Variants in KIAA1217 observed in about 807,000 individuals in gnomAD.
The protein encoded by KIAA1217 is sickle tail protein homolog.
Under a neutral mutation model 163.9 loss-of-function variants are expected in KIAA1217, and 88 were observed. The observed-to-expected ratio is 0.54, with a 90% CI of 0.45 to 0.64. The LOEUF (loss-of-function observed/expected upper bound fraction) is 0.64, where lower values mean the gene tolerates loss of function less well. KIAA1217 is among the 30% of genes least tolerant of loss of function. The pLI is 0.00. For synonymous variants in KIAA1217, 903 were observed against 923.1 expected, an observed-to-expected ratio of 0.98 and a Z score of 0.39; for missense variants, 2,372 against 2,475.0, an observed-to-expected ratio of 0.96 and a Z score of 0.88.
intron 2 of KIAA1217, among the ~76,000 whole-genome samples, chr10:24,116,899 ATAGT>A (rs567367335): frequency 3.1e-4 from 47 of 152,348 alleles, no homozygotes; most frequent in African/African-American, 5.5e-4. Context: ...AATATGAAAG[ATAGT>A]TAGGGAGTTA....
At chr10:23,835,294 T>G (rs1270366399) in intron 1 of KIAA1217, among the ~76,000 whole-genome samples, 1 of 151,966 alleles carries the variant, frequency 6.6e-6, no homozygotes, top group Non-Finnish European at 1.5e-5. Flanking sequence ...CAGATGCTAA[T>G]AGTAGAAAAA....
At chr10:23,707,481 A>C (rs1254316494) in intron 1 of KIAA1217, among the ~76,000 whole-genome samples, 1 of 152,238 alleles carries the variant, frequency 6.6e-6, no homozygotes, top group Non-Finnish European at 1.5e-5. Context: ...TGCCTAAATG[A>C]AATAACCCAG....
rs115584028 is a variant in KIAA1217 at position 23,890,757 on chromosome 10, G to T, written c.-320-116468G>T. 1.4e-3 allele frequency among the ~76,000 whole-genome samples: 208 copies of T among 152,064 alleles called. 1 individual carries two copies. Among genetic ancestry groups the T allele is most frequent in the African/African-American group, 4.9e-3 (205 of 41,544 alleles). On this transcript the variant is annotated intron_variant, in intron 1 of 18. Transcript: ENST00000376462. ...AAAGTATTCTGTAAATGTCAATTAGGTTAAGTTGGTGAATAGTCTTTTTCA... is the reference window on the plus strand; with the variant it reads ...AAAGTATTCTGTAAATGTCAATTAGTTTAAGTTGGTGAATAGTCTTTTTCA...
At chr10:24,528,962 T>G in intron 14 of KIAA1217, among the ~76,000 whole-genome samples, 1 of 152,164 alleles carries the variant, frequency 6.6e-6, no homozygotes, top group South Asian at 2.1e-4. Context: ...TCTAAGAATC[T>G]CAACCTATTA....
exon 2 of KIAA1217, chr10:24,007,356 C>T (rs1284000031): frequency 6.6e-6 from 1 of 152,158 alleles, no homozygotes; most frequent in African/African-American, 2.4e-5. Flanking sequence ...CTTCCTCCTC[C>T]TGCTTATTTT....
At position 24,531,963 on chromosome 10, in the gene KIAA1217, CA is replaced by C; in HGVS notation, c.3217del (p.Thr1073ProfsTer61). 1 of 1,589,846 alleles carries C rather than the reference CA, an allele frequency of 6.3e-7. No homozygotes were observed. Among genetic ancestry groups the C allele is most frequent in the Non-Finnish European group, 8.6e-7 (1 of 1,165,014 alleles). On this transcript the variant is annotated frameshift_variant, in exon 15 of 21. Transcript: ENST00000376454. LOFTEE classifies it high-confidence loss of function. ...CCACGAGGTCAGGCGATGTGGTCTA[CA>C]CCGGCAGAAAGGAGAACATCACCGC... is the stretch of plus-strand genomic sequence containing the variant. ...TTTRSGDVVY[T>X]GRKENITAKA... is the part of the protein sequence containing the mutation.
At chr10:23,853,950 C>T (rs1172981658) in intron 1 of KIAA1217, among the ~76,000 whole-genome samples, 1 of 151,980 alleles carries the variant, frequency 6.6e-6, no homozygotes, top group Non-Finnish European at 1.5e-5. Context: ...TTTTGTTGAT[C>T]CTTTCAAAAA....
chr10:23,790,707 ATATATATG>A (rs991559453), intron 1 of KIAA1217, among the ~76,000 whole-genome samples: 1 of 87,240 alleles, frequency 1.1e-5, no homozygotes, highest in African/African-American at 5.8e-5. Context: ...ACACACACAT[ATATATATG>A]TATGTATGTA....
At chr10:23,832,442 C>T (rs918207214) in intron 1 of KIAA1217, among the ~76,000 whole-genome samples, 3 of 152,094 alleles carry the variant, frequency 2.0e-5, no homozygotes, top group Non-Finnish European at 4.4e-5. Flanking sequence ...TTTATGGAGA[C>T]TTCATTGCAT....
chr10:23,817,862 G>T (rs1261058095), intron 1 of KIAA1217, among the ~76,000 whole-genome samples: 1 of 149,898 alleles, frequency 6.7e-6, no homozygotes, highest in African/African-American at 2.5e-5. Flanking sequence ...GGTTGAGGCA[G>T]GAGGATTGCT....
chr10:23,942,437 A>C (rs1258845906), intron 1 of KIAA1217, among the ~76,000 whole-genome samples: 6 of 152,234 alleles, frequency 3.9e-5, no homozygotes, highest in African/African-American at 1.4e-4. Context: ...GGCTTCACAG[A>C]TTGAAACAGA....
At chr10:24,477,578 G>A (rs947720876) in intron 6 of KIAA1217, among the ~76,000 whole-genome samples, 3 of 152,156 alleles carry the variant, frequency 2.0e-5, no homozygotes, top group African/African-American at 7.2e-5. Context: ...ATTGTTTCAG[G>A]ACTAGATGCT....
At chr10:24,508,038 A>T (rs1439833891) in intron 9 of KIAA1217, among the ~76,000 whole-genome samples, 1 of 152,218 alleles carries the variant, frequency 6.6e-6, no homozygotes, top group Non-Finnish European at 1.5e-5. Flanking sequence ...AGCCTGCATT[A>T]CCCTAAGAGC....
intron 5 of KIAA1217, among the ~76,000 whole-genome samples, chr10:24,455,129 ATT>A (rs1188884731): frequency 1.3e-5 from 2 of 152,184 alleles, no homozygotes; most frequent in African/African-American, 4.8e-5. Context: ...TATTTTTATT[ATT>A]CGTAACAATG....
chr10:23,955,562 A>C (rs576065098), intron 1 of KIAA1217, among the ~76,000 whole-genome samples: 1 of 152,314 alleles, frequency 6.6e-6, no homozygotes, highest in African/African-American at 2.4e-5. Context: ...AATCAAATAC[A>C]GGATGGGACT....
intron 2 of KIAA1217, among the ~76,000 whole-genome samples, chr10:24,240,401 A>G (rs958211848): frequency 5.3e-5 from 8 of 152,246 alleles, no homozygotes; most frequent in African/African-American, 1.4e-4. Flanking sequence ...GGCTTTCAAA[A>G]TGTTTTAAGA....
At chr10:24,073,949 C>T (rs2061278652) in intron 2 of KIAA1217, among the ~76,000 whole-genome samples, 1 of 152,016 alleles carries the variant, frequency 6.6e-6, no homozygotes, top group Non-Finnish European at 1.5e-5. Flanking sequence ...TCTTTCAACT[C>T]TCCGATCTGG....
intron 1 of KIAA1217, among the ~76,000 whole-genome samples, chr10:23,917,790 G>C (rs968635169): frequency 2.0e-5 from 3 of 152,152 alleles, no homozygotes; most frequent in Non-Finnish European, 4.4e-5. Context: ...ACCAGCAAGG[G>C]AAGATGAGAA....
chr10:24,502,376 C>T (rs1205447205), intron 9 of KIAA1217, among the ~76,000 whole-genome samples: 3 of 149,950 alleles, frequency 2.0e-5, no homozygotes, highest in Non-Finnish European at 4.4e-5. Context: ...ATCTGCATTT[C>T]ATTCAGATAC....
Sources: allele counts gnomAD v4.1 joint callset (sites outside exome capture counted in the v4.1 genomes callset), GRCh38; gene constraint gnomAD v4.1.1; transcripts MANE v1.5; gene names NCBI Gene and HGNC (gene_info 2026-07-23, HGNC 2026-07-21).